The following GABRG3 variants were observed in gnomAD, a reference collection of about 807,000 sequenced individuals.
The protein encoded by GABRG3 is gamma-aminobutyric acid type A receptor subunit gamma3.
Under a neutral mutation model 48.8 loss-of-function variants are expected in GABRG3, and 25 were observed. The ratio of observed to expected loss-of-function variants is 0.51; its 90% CI spans 0.37 to 0.72. GABRG3 has a LOEUF of 0.72. Among genes scored for constraint, GABRG3 ranks in the 30% least tolerant of loss-of-function variants. The pLI is 0.00. For synonymous variants in GABRG3, 227 were observed against 217.6 expected (o/e 1.04, Z -0.38); for missense variants, 394 against 577.9 (o/e 0.68, Z 3.26).
chr15:27,221,410 GAA>G (rs375802109), intron 3 of GABRG3, among the ~76,000 whole-genome samples: 1 of 152,122 alleles, frequency 6.6e-6, no homozygotes, highest in African/African-American at 2.4e-5. Flanking sequence ...CACATGATTT[GAA>G]AAAGAGTTGA....
intron 7 of GABRG3, 124 bp downstream of exon 7, chr15:27,520,248 C>A (rs1228489180): frequency 9.8e-7 from 1 of 1,022,652 alleles, no homozygotes; most frequent in Non-Finnish European, 1.4e-6. Flanking sequence ...TGACTTGAAC[C>A]ATGCTTAGAA....
At chr15:27,119,500 G>C (rs1897696366) in intron 3 of GABRG3, among the ~76,000 whole-genome samples, 1 of 151,942 alleles carries the variant, frequency 6.6e-6, no homozygotes, top group Non-Finnish European at 1.5e-5. Context: ...TGTGTAACAG[G>C]GGAGCACAGT....
chr15:27,434,751 G>A (rs1351519730), intron 5 of GABRG3, among the ~76,000 whole-genome samples: 2 of 152,152 alleles, frequency 1.3e-5, no homozygotes, highest in Non-Finnish European at 2.9e-5. Flanking sequence ...AGTAGGCAGG[G>A]AGTGGAAGGA....
chr15:27,402,534 C>G (rs528088118), intron 5 of GABRG3, among the ~76,000 whole-genome samples: 1 of 152,310 alleles, frequency 6.6e-6, no homozygotes, highest in South Asian at 2.1e-4. Flanking sequence ...TAGGAATCCT[C>G]AAGAAATATA....
At chr15:27,261,674 G>C (rs1890773407) in intron 3 of GABRG3, among the ~76,000 whole-genome samples, 3 of 151,848 alleles carry the variant, frequency 2.0e-5, no homozygotes, top group Admixed American at 2.0e-4. Flanking sequence ...AAAGACTTAT[G>C]AGTAAAAACT....
At chr15:27,478,401 A>C (rs1890012147) in intron 5 of GABRG3, among the ~76,000 whole-genome samples, 1 of 152,244 alleles carries the variant, frequency 6.6e-6, no homozygotes. Flanking sequence ...AAGCATGAGA[A>C]TATGCTCAGT....
intron 7 of GABRG3, among the ~76,000 whole-genome samples, chr15:27,527,028 G>C (rs969218818): frequency 3.9e-5 from 6 of 152,164 alleles, no homozygotes; most frequent in Admixed American, 2.0e-4. Context: ...GGGTCTTCAA[G>C]AATAGTGAGG....
chr15:27,249,827 C>T (rs1890397577), intron 3 of GABRG3, among the ~76,000 whole-genome samples: 1 of 152,228 alleles, frequency 6.6e-6, no homozygotes, highest in Non-Finnish European at 1.5e-5. Context: ...CTTCACTTAG[C>T]TACATCCAGA....
intron 5 of GABRG3, among the ~76,000 whole-genome samples, chr15:27,408,005 G>A (rs999623006): frequency 6.6e-6 from 1 of 152,210 alleles, no homozygotes; most frequent in African/African-American, 2.4e-5. Flanking sequence ...CCACTCTGGT[G>A]TGGGATGTTG....
At chr15:27,381,056 C>T (rs1231561992) in intron 5 of GABRG3, among the ~76,000 whole-genome samples, 2 of 152,126 alleles carry the variant, frequency 1.3e-5, no homozygotes, top group South Asian at 2.1e-4. Flanking sequence ...TGAGCCACCG[C>T]GCCTGGCCTC....
chr15:27,088,245 C>CGGGGCGGGCGCA (rs1555402694), intron 3 of GABRG3, among the ~76,000 whole-genome samples: 4 of 107,926 alleles, frequency 3.7e-5, no homozygotes, highest in South Asian at 6.5e-4. Context: ...TGGGAGTGCT[C>CGGGGCGGGCGCA]GGGGCGGGCG....
intron 5 of GABRG3, among the ~76,000 whole-genome samples, chr15:27,386,779 G>C (rs1424490718): frequency 6.6e-6 from 1 of 152,144 alleles, no homozygotes; most frequent in African/African-American, 2.4e-5. Context: ...TCAATTTGTT[G>C]TGTGTCCTTT....
At chr15:27,123,778 G>A (rs1035602910) in intron 3 of GABRG3, among the ~76,000 whole-genome samples, 1 of 152,138 alleles carries the variant, frequency 6.6e-6, no homozygotes, top group Non-Finnish European at 1.5e-5. Context: ...CACACACGAG[G>A]ATGATAATGG....
Position 27,308,714 on chromosome 15 carries a change from A to G in GABRG3, c.271-18095A>G, listed in dbSNP as rs928730705. 1.0e-4 allele frequency among the ~76,000 whole-genome samples: 15 copies of G among 149,460 alleles called. No individual in the cohort carries two copies. The East Asian group carries it at 1.9e-3, about 19-fold the overall frequency. On this transcript the variant is annotated intron_variant, in intron 3 of 9. Coordinates refer to ENST00000615808, the MANE Select transcript of GABRG3 (RefSeq NM_033223.5). The stretch of plus-strand genomic sequence containing the variant: ...ACATATAATGTAAACATACGTTTAT[A>G]TGTAAACATAATGTAAACATACGTT...
At chr15:27,344,235 T>C (rs1253679860) in intron 5 of GABRG3, among the ~76,000 whole-genome samples, 1 of 152,366 alleles carries the variant, frequency 6.6e-6, no homozygotes, top group Non-Finnish European at 1.5e-5. Context: ...TACTAGCATA[T>C]ATGGGGTATC....
intron 5 of GABRG3, among the ~76,000 whole-genome samples, chr15:27,383,751 C>T (rs940107011): frequency 2.0e-5 from 3 of 152,120 alleles, no homozygotes; most frequent in African/African-American, 4.8e-5. Flanking sequence ...ATGTCATTTT[C>T]TTCATTGTTT....
chr15:27,313,035 G>GA (rs1225674235), intron 3 of GABRG3, among the ~76,000 whole-genome samples: 1,655 of 141,240 alleles, frequency 0.012, 35 homozygotes, highest in African/African-American at 0.039. Flanking sequence ...ATGAAGGGTG[G>GA]AAAAAAAAAA....
At chr15:27,079,770 A>C (rs1405226186) in intron 3 of GABRG3, among the ~76,000 whole-genome samples, 1 of 152,328 alleles carries the variant, frequency 6.6e-6, no homozygotes, top group Non-Finnish European at 1.5e-5. Flanking sequence ...ACTGTCCCAA[A>C]ACAGCTCTGA....
intron 3 of GABRG3, among the ~76,000 whole-genome samples, chr15:27,248,795 CACA>C (rs1372115070): frequency 5.0e-5 from 6 of 119,786 alleles, no homozygotes; most frequent in African/African-American, 2.1e-4. Flanking sequence ...CACACACACA[CACA>C]CACACAGAGA....
Sources: gnomAD v4.1 joint callset for allele counts (sites outside exome capture counted in the v4.1 genomes callset) on GRCh38, gnomAD v4.1.1 for gene constraint, MANE v1.5 for transcripts, NCBI Gene and HGNC (gene_info 2026-07-23, HGNC 2026-07-21) for gene names.